KCTD8: variants seen among roughly 807,000 people sequenced by gnomAD.
The protein encoded by KCTD8 is BTB/POZ domain-containing protein KCTD8.
Under a neutral mutation model 31.5 loss-of-function variants are expected in KCTD8, and 27 were observed. The observed-to-expected ratio is 0.86, with a 90% confidence interval of 0.63 to 1.18. The LOEUF (loss-of-function observed/expected upper bound fraction) is 1.18. Ranked by LOEUF, KCTD8 falls within the 50% of genes most tolerant of loss-of-function variation. The probability of loss-of-function intolerance (pLI) is 0.00; values close to 1 mark genes in which losing one functional copy is unlikely to be tolerated. For synonymous variants in KCTD8, 290 were observed against 280.0 expected (o/e 1.04, Z -0.36); for missense variants, 658 against 647.7 (o/e 1.02, Z -0.17).
At chr4:44,177,674 T>C (rs1577810940) in intron 1 of KCTD8, among the ~76,000 whole-genome samples, 1 of 152,186 alleles carries the variant, frequency 6.6e-6, no homozygotes, top group Admixed American at 6.5e-5. Context: ...AACTTGCTCC[T>C]CCTTGCCTTC....
At chr4:44,336,112 T>C (rs1383674027) in intron 1 of KCTD8, among the ~76,000 whole-genome samples, 1 of 113,656 alleles carries the variant, frequency 8.8e-6, no homozygotes, top group Non-Finnish European at 1.6e-5. Flanking sequence ...ATCCCGCCAC[T>C]GCACTCCAGC....
chr4:44,200,552 A>G (rs1273398964), intron 1 of KCTD8, among the ~76,000 whole-genome samples: 2 of 152,136 alleles, frequency 1.3e-5, no homozygotes, highest in Non-Finnish European at 2.9e-5. Flanking sequence ...ATTAAAAGCA[A>G]ATACAGTATG....
intron 1 of KCTD8, among the ~76,000 whole-genome samples, chr4:44,380,320 A>G (rs1373471297): frequency 5.9e-5 from 9 of 151,702 alleles, no homozygotes; most frequent in African/African-American, 2.2e-4. Flanking sequence ...TTCAAACACA[A>G]CCAACCACAA....
At chr4:44,196,847 G>A (rs572022033) in intron 1 of KCTD8, among the ~76,000 whole-genome samples, 12 of 152,234 alleles carry the variant, frequency 7.9e-5, no homozygotes, top group African/African-American at 2.9e-4. Flanking sequence ...AGAATACAGG[G>A]AATCCCACAG....
At chr4:44,427,647 A>AT (rs1721380558) in intron 1 of KCTD8, among the ~76,000 whole-genome samples, 2 of 151,818 alleles carry the variant, frequency 1.3e-5, no homozygotes, top group East Asian at 3.9e-4. Flanking sequence ...AAGACTTAAG[A>AT]AAGAATGCAC....
intron 1 of KCTD8, among the ~76,000 whole-genome samples, chr4:44,255,999 A>C (rs1715980151): frequency 6.6e-6 from 1 of 151,934 alleles, no homozygotes; most frequent in African/African-American, 2.4e-5. Flanking sequence ...ACAGTTCCAC[A>C]TGGCTGGGGA....
chr4:44,365,968 A>G (rs1449292917), intron 1 of KCTD8, among the ~76,000 whole-genome samples: 1 of 149,002 alleles, frequency 6.7e-6, no homozygotes, highest in Non-Finnish European at 1.5e-5. Context: ...CACTTTGACA[A>G]AAGAAAAAAA....
intron 1 of KCTD8, among the ~76,000 whole-genome samples, chr4:44,418,573 A>C (rs545240854): frequency 1.1e-4 from 16 of 152,346 alleles, no homozygotes; most frequent in African/African-American, 3.4e-4. Context: ...ATAAAGGATT[A>C]AAGCAGTGGA....
At chr4:44,183,293 A>G (rs553074797) in intron 1 of KCTD8, among the ~76,000 whole-genome samples, 7 of 152,346 alleles carry the variant, frequency 4.6e-5, no homozygotes, top group African/African-American at 1.4e-4. Flanking sequence ...TTTATAGTCA[A>G]GAATCATCTA....
At chr4:44,211,566 T>G (rs964820692) in intron 1 of KCTD8, among the ~76,000 whole-genome samples, 6 of 152,172 alleles carry the variant, frequency 3.9e-5, no homozygotes, top group Admixed American at 6.5e-5. Flanking sequence ...ATCTATCCTC[T>G]CATCAATGGT....
At chr4:44,192,616 T>C (rs779122125) in intron 1 of KCTD8, among the ~76,000 whole-genome samples, 8 of 152,184 alleles carry the variant, frequency 5.3e-5, no homozygotes, top group Non-Finnish European at 1.0e-4. Flanking sequence ...CATGTCACTA[T>C]GTGTCACCTT....
intron 1 of KCTD8, among the ~76,000 whole-genome samples, chr4:44,412,842 ATTC>A (rs1448923351): frequency 6.6e-6 from 1 of 152,206 alleles, no homozygotes; most frequent in African/African-American, 2.4e-5. Flanking sequence ...TGATTGGGCT[ATTC>A]TTCTGAGACT....
At chr4:44,320,821 T>TAAAA (rs35748647) in intron 1 of KCTD8, among the ~76,000 whole-genome samples, 17 of 136,256 alleles carry the variant, frequency 1.2e-4, no homozygotes, top group Admixed American at 3.7e-4. Context: ...TCCTGATTCT[T>TAAAA]AAAAAAAAAA....
chr4:44,351,892 C>G (rs1490642861), intron 1 of KCTD8, among the ~76,000 whole-genome samples: 2 of 152,034 alleles, frequency 1.3e-5, no homozygotes, highest in Admixed American at 6.6e-5. Context: ...ATTCAGTCAA[C>G]ATTCAAACTC....
At chr4:44,394,480 ATGTC>A (rs1275310301) in intron 1 of KCTD8, among the ~76,000 whole-genome samples, 3 of 152,094 alleles carry the variant, frequency 2.0e-5, no homozygotes, top group Admixed American at 1.3e-4. Flanking sequence ...AAGAAATTCA[ATGTC>A]TGTGCAATAT....
intron 1 of KCTD8, among the ~76,000 whole-genome samples, chr4:44,203,440 A>G (rs539704914): frequency 5.8e-4 from 88 of 150,996 alleles, no homozygotes; most frequent in African/African-American, 1.9e-3. Context: ...CAGTAAGCCA[A>G]GATCGTGCCA....
At position 44,222,735 on chromosome 4, in the gene KCTD8, C is replaced by T. The variant is rs577020404; in HGVS notation, c.962-47485G>A. 6.5e-4 allele frequency among the ~76,000 whole-genome samples: 99 copies of T among 152,178 alleles called. 1 individual carries two copies. Among genetic ancestry groups the T allele is most frequent in the African/African-American group, 2.2e-3 (93 of 41,522 alleles). On this transcript the variant is annotated intron_variant, in intron 1 of 1. Transcript: ENST00000360029. ...AATTCTGGGAATTCTAGTTTTTGGA[C>T]CAAGCGCAAAGACACTCCACTTGCC...
chr4:44,440,549 G>A (rs2109483971), intron 1 of KCTD8, among the ~76,000 whole-genome samples: 1 of 152,254 alleles, frequency 6.6e-6, no homozygotes, highest in African/African-American at 2.4e-5. Context: ...TAGCCTGGTA[G>A]GTTGTTCAAT....
intron 1 of KCTD8, among the ~76,000 whole-genome samples, chr4:44,354,216 TTG>T (rs910665644): frequency 9.9e-5 from 15 of 152,086 alleles, no homozygotes; most frequent in Non-Finnish European, 2.2e-4. Context: ...AGTTCATTTG[TTG>T]TGTGTGTGTG....
Sources: allele counts gnomAD v4.1 joint callset (sites outside exome capture counted in the v4.1 genomes callset), GRCh38; gene constraint gnomAD v4.1.1; transcripts MANE v1.5; gene names NCBI Gene and HGNC (gene_info 2026-07-23, HGNC 2026-07-21).